The following KCNG3 variants were observed in gnomAD, a reference collection of about 807,000 sequenced individuals.
The protein encoded by KCNG3 is voltage-gated potassium channel regulatory subunit KCNG3.
A neutral mutation model predicts 29.0 loss-of-function variants in KCNG3; 15 were observed. That is an observed-to-expected ratio of 0.52 (90% CI 0.35 to 0.80). The LOEUF (loss-of-function observed/expected upper bound fraction) is 0.80, where lower values mean the gene tolerates loss of function less well. Among genes scored for constraint, KCNG3 ranks in the 30% least tolerant of loss-of-function variants. The pLI, the probability that KCNG3 is intolerant of heterozygous loss-of-function variation, is 0.01. For synonymous variants in KCNG3, 322 were observed against 248.9 expected (o/e 1.29, Z -2.76); for missense variants, 512 against 605.7 (o/e 0.85, Z 1.62).
intron 1 of KCNG3, among the ~76,000 whole-genome samples, chr2:42,449,829 G>C (rs578175949): frequency 6.6e-6 from 1 of 152,298 alleles, no homozygotes; most frequent in East Asian, 1.9e-4. Flanking sequence ...GCACTTAAAA[G>C]GGATTGCAGG....
At chr2:42,450,458 C>T (rs1490089132) in intron 1 of KCNG3, among the ~76,000 whole-genome samples, 1 of 152,186 alleles carries the variant, frequency 6.6e-6, no homozygotes, top group Non-Finnish European at 1.5e-5. Context: ...TGCTGAAAAA[C>T]TGAGTACTGT....
rs764253820 is a variant in KCNG3 at position 42,444,168 on chromosome 2, G to C, written c.1077C>G (p.Ser359Arg). ...TCACCCACCAGCAGGCAGCAGGAAT[G>C]CTGGTAAAGTCCTTGTTGGATGTTT... ...DLETSNKDFT[S>R]IPAACWWVII... Residue 359 changes from serine to arginine, a missense_variant, in exon 2 of 2, where the codon AGC becomes AGG. Physicochemically the swap from Ser to Arg is moderately radical, Grantham distance 110. This residue lies in a region of KCNG3 where 173 missense variants were observed against 262.4 expected (regional missense o/e 0.66). Coordinates refer to ENST00000306078, the MANE Select transcript of KCNG3 (RefSeq NM_133329.6). The surrounding 1 kb of genome is among the most constrained non-coding windows in gnomAD (Gnocchi z 5.8). The C allele has an allele frequency of 6.2e-7, 1 of 1,614,218 alleles. No individual in the cohort carries two copies. The highest frequency in any genetic ancestry group is 1.1e-5 in the South Asian group (1 of 91,076).
At chr2:42,476,068 A>G (rs1267884398) in intron 1 of KCNG3, among the ~76,000 whole-genome samples, 1 of 150,138 alleles carries the variant, frequency 6.7e-6, no homozygotes, top group Non-Finnish European at 1.5e-5. Context: ...TCCGTCTCAT[A>G]TAATAATAAT....
At chr2:42,471,402 G>T (rs1349786902) in intron 1 of KCNG3, among the ~76,000 whole-genome samples, 1 of 152,012 alleles carries the variant, frequency 6.6e-6, no homozygotes, top group Non-Finnish European at 1.5e-5. Flanking sequence ...GACACAAAAG[G>T]CTCCATGTTG....
At chr2:42,474,126 T>A (rs1243516662) in intron 1 of KCNG3, among the ~76,000 whole-genome samples, 1 of 151,330 alleles carries the variant, frequency 6.6e-6, no homozygotes, top group African/African-American at 2.4e-5. Flanking sequence ...TGACCATCCT[T>A]ATCTTCTGAC....
chr2:42,405,816 C>T, the KCNG3 span, among the ~76,000 whole-genome samples: 1 of 152,132 alleles, frequency 6.6e-6, no homozygotes. Flanking sequence ...CCATGTTAGC[C>T]AGGATGGTCT....
chr2:42,445,815 C>T (rs1672583913), intron 1 of KCNG3, among the ~76,000 whole-genome samples: 1 of 152,048 alleles, frequency 6.6e-6, no homozygotes, highest in Non-Finnish European at 1.5e-5. Flanking sequence ...CAACCTCTGC[C>T]TCCCGGGTTT....
At chr2:42,458,567 G>A (rs1334860664) in intron 1 of KCNG3, among the ~76,000 whole-genome samples, 2 of 152,224 alleles carry the variant, frequency 1.3e-5, no homozygotes, top group Admixed American at 1.3e-4. Context: ...CTCCATCAAA[G>A]TGTGTTTCTG....
In KCNG3 at chr2:42,457,577, T is replaced by A. The variant is rs544747723; in HGVS notation, c.666-12998A>T. On this transcript the variant is annotated intron_variant, in intron 1 of 1. Coordinates refer to ENST00000306078, the MANE Select transcript of KCNG3 (RefSeq NM_133329.6). ...TATTTACAAGGCTGGCCAGGCACGG[T>A]GGCTCATGCCTGTAATCCTAGCACT... is the stretch of plus-strand genomic sequence containing the variant. 2.0e-5 allele frequency among the ~76,000 whole-genome samples: 3 copies of A among 149,392 alleles called. No individual in the cohort carries two copies. In the East Asian group the frequency reaches 5.9e-4, roughly 29 times the overall value.
the KCNG3 span, among the ~76,000 whole-genome samples, chr2:42,431,848 G>C: frequency 3.9e-5 from 6 of 152,084 alleles, no homozygotes; most frequent in Non-Finnish European, 8.8e-5. Flanking sequence ...GACCAGCCTG[G>C]CCAACATGGC....
the KCNG3 span, among the ~76,000 whole-genome samples, chr2:42,411,049 C>T: frequency 6.6e-6 from 1 of 152,122 alleles, no homozygotes; most frequent in African/African-American, 2.4e-5. Context: ...GTAGTCTATC[C>T]TTTATTCACT....
the KCNG3 span, among the ~76,000 whole-genome samples, chr2:42,410,033 C>A: frequency 1.3e-5 from 2 of 151,960 alleles, no homozygotes; most frequent in Non-Finnish European, 2.9e-5. Context: ...ATTTTCCCAC[C>A]CCCTTCCCAC....
chr2:42,447,512 G>C (rs1672630087), intron 1 of KCNG3, among the ~76,000 whole-genome samples: 1 of 144,498 alleles, frequency 6.9e-6, no homozygotes, highest in Non-Finnish European at 1.5e-5. Flanking sequence ...CTGATGCAAT[G>C]AATATTCTTT....
chr2:42,466,809 G>C (rs1673153366), intron 1 of KCNG3, among the ~76,000 whole-genome samples: 1 of 148,492 alleles, frequency 6.7e-6, no homozygotes, highest in African/African-American at 2.5e-5. Flanking sequence ...CTGGAGTGCA[G>C]TGGTGCGATC....
Position 42,493,729 on chromosome 2 carries a change from G to A in KCNG3, c.-228C>T, listed in dbSNP as rs1384039591. 1.7e-5 allele frequency: 6 copies of A among 343,988 alleles called. No individual in the cohort carries two copies. The highest frequency in any genetic ancestry group is 8.6e-5 in the African/African-American group (4 of 46,688). The allele number at this position is 343,988 out of a possible 1,614,324, so 21.3% of individuals were successfully genotyped here. ...CGCCCGGCGGTACCTGCGGGTGGCCGGGGAGTCCTCGCCGGCGCCAGCGCT... is the reference window on the plus strand; with the variant it reads ...CGCCCGGCGGTACCTGCGGGTGGCCAGGGAGTCCTCGCCGGCGCCAGCGCT... On this transcript the variant is annotated 5_prime_UTR_variant, in exon 1 of 2. Transcript: ENST00000306078.
At chr2:42,404,281 T>A in the KCNG3 span, among the ~76,000 whole-genome samples, 1 of 148,272 alleles carries the variant, frequency 6.7e-6, no homozygotes, top group Non-Finnish European at 1.5e-5. Context: ...ATTCTTTTCA[T>A]CAGTTGTGCC....
chr2:42,466,702 A>C (rs1673149036), intron 1 of KCNG3, among the ~76,000 whole-genome samples: 1 of 151,672 alleles, frequency 6.6e-6, no homozygotes, highest in African/African-American at 2.4e-5. Context: ...TACAAAAGTT[A>C]ATTGTGGTTT....
rs1673983360 is a variant in KCNG3 at position 42,493,656 on chromosome 2, G to A, written c.-155C>T. ...TCCGCTCCTGCCCTCCGCTGGCCCGGGGGTCCCTGGGCTCGAGTATCTCCG... is the reference window on the plus strand; with the variant it reads ...TCCGCTCCTGCCCTCCGCTGGCCCGAGGGTCCCTGGGCTCGAGTATCTCCG... On this transcript the variant is annotated 5_prime_UTR_variant, in exon 1 of 2. Transcript: ENST00000306078. The A allele has an allele frequency of 1.9e-6, 1 of 534,412 alleles. No homozygotes were observed. The highest frequency in any genetic ancestry group is 2.8e-6 in the Non-Finnish European group (1 of 358,496). 33.1% of individuals were successfully genotyped at this position (534,412 alleles called of 1,614,324 possible). A position where few individuals can be genotyped will look rare whatever the true frequency, so the allele number is the denominator to read the frequency against.
At chr2:42,478,326 C>A (rs1008288137) in intron 1 of KCNG3, among the ~76,000 whole-genome samples, 21 of 152,152 alleles carry the variant, frequency 1.4e-4, no homozygotes, top group African/African-American at 5.1e-4. Context: ...GCCCCGACCT[C>A]CTGGGCTCAA....
Sources: allele counts gnomAD v4.1 joint callset (sites outside exome capture counted in the v4.1 genomes callset), GRCh38; gene constraint gnomAD v4.1.1; regional missense constraint gnomAD v4.1.1; non-coding constraint Gnocchi (gnomAD v3.1); transcripts MANE v1.5; gene names NCBI Gene and HGNC (gene_info 2026-07-23, HGNC 2026-07-21).